Variants in CROCC2 observed in about 807,000 individuals in gnomAD.
CROCC2 encodes the protein ciliary rootlet coiled-coil, rootletin family member 2, also known as ciliary rootlet coiled-coil protein 2.
In CROCC2, 163 loss-of-function variants were observed where a neutral mutation model predicts 177.6. The observed-to-expected ratio is 0.92, with a 90% CI of 0.81 to 1.05. CROCC2 has a LOEUF of 1.05. Ranked by LOEUF, CROCC2 falls within the 50% of genes least tolerant of loss-of-function variation. CROCC2 has a pLI of 0.00. For synonymous variants in CROCC2, 904 were observed against 787.3 expected (o/e 1.15, Z -2.48); for missense variants, 1,929 against 1,797.8 (o/e 1.07, Z -1.32).
Position 240,980,995 on chromosome 2 carries a change from A to T in CROCC2, c.4402-1885A>T, listed in dbSNP as rs372975235. 1.4e-4 allele frequency among the ~76,000 whole-genome samples: 5 copies of T among 36,102 alleles called. No homozygotes were observed. The South Asian group carries it at 4.6e-3, about 33-fold the overall frequency. 23.7% of individuals were successfully genotyped at this position (36,102 alleles called of 152,430 possible). A position where few individuals can be genotyped will look rare whatever the true frequency, so the allele number is the denominator to read the frequency against. The stretch of plus-strand genomic sequence containing the variant: ...TGGGGTAGGAGCCTCAGGATCCCAG[A>T]CTCATCCCTGCTCAGTCTCTGGGGT... On this transcript the variant is annotated intron_variant, in intron 27 of 31. Coordinates refer to ENST00000690015, the MANE Select transcript of CROCC2 (RefSeq NM_001351305.2).
intron 15 of CROCC2, among the ~76,000 whole-genome samples, chr2:240,947,823 G>T (rs888239778): frequency 9.2e-5 from 14 of 152,010 alleles, no homozygotes; most frequent in African/African-American, 3.4e-4. Flanking sequence ...CAAGGTCCCC[G>T]CCAGCCCACA....
intron 15 of CROCC2, 23 bp from the exon 16 acceptor site, chr2:240,948,956 C>T (rs1230280896): frequency 3.9e-6 from 6 of 1,549,670 alleles, no homozygotes; most frequent in Middle Eastern, 1.7e-4. Flanking sequence ...ATGACTTGCC[C>T]ATTGTTTGCT....
rs767704862 is a variant in CROCC2, at chr2:240,973,814, G to T, written c.4401+5552G>T. ...CAGATTTATTTGTGTTAAGAAAATT[G>T]TATTATTTTATAAAATGAGTTGGTG... On this transcript the variant is annotated intron_variant, in intron 27 of 31. Coordinates refer to ENST00000690015, the MANE Select transcript of CROCC2 (RefSeq NM_001351305.2). This position sits in a 1 kb window ranked among gnomAD's most constrained non-coding sequence, Gnocchi z 4.7. Among the ~76,000 whole-genome samples, 2 of 152,160 alleles carry T rather than the reference G, an allele frequency of 1.3e-5. No individual in the cohort carries two copies. Among genetic ancestry groups the T allele is most frequent in the South Asian group, 4.1e-4 (2 of 4,834 alleles).
intron 3 of CROCC2, 117 bp from the exon 4 acceptor site, chr2:240,922,422 G>A: frequency 1.7e-6 from 1 of 575,178 alleles, no homozygotes; most frequent in Non-Finnish European, 3.2e-6. Context: ...CCCCTGCTGT[G>A]GGGCCCCAGG....
intron 28 of CROCC2, among the ~76,000 whole-genome samples, chr2:240,988,286 A>T (rs2059853706): frequency 6.6e-6 from 1 of 152,200 alleles, no homozygotes; most frequent in African/African-American, 2.4e-5. Context: ...TGAGACAGCA[A>T]GTGTACCCAG....
At chr2:240,975,124 G>A (rs572945013) in intron 27 of CROCC2, among the ~76,000 whole-genome samples, 10 of 152,318 alleles carry the variant, frequency 6.6e-5, no homozygotes, top group Middle Eastern at 3.4e-3. Context: ...AAAGTTTACA[G>A]GAAAGAATAG....
intron 25 of CROCC2, 39 bp downstream of exon 25, chr2:240,966,448 C>G (rs2059685642): frequency 2.5e-6 from 1 of 399,564 alleles, no homozygotes; most frequent in African/African-American, 2.1e-5. Flanking sequence ...CGGCGGCACC[C>G]CCCGGGGGTC....
intron 24 of CROCC2, 104 bp from the exon 25 acceptor site, chr2:240,966,121 G>A (rs376803081): frequency 1.2e-5 from 15 of 1,260,846 alleles, no homozygotes; most frequent in Middle Eastern, 2.0e-4. Context: ...ACCTGTGGCC[G>A]TCTCCCCAAC....
chr2:240,964,660 G>C (rs2059666227), intron 22 of CROCC2, 35 bp downstream of exon 22: 3 of 1,538,558 alleles, frequency 1.9e-6, no homozygotes, highest in South Asian at 1.2e-5. Context: ...ATCCAACCAG[G>C]CACCCTCCCG....
intron 5 of CROCC2, among the ~76,000 whole-genome samples, chr2:240,926,564 G>A (rs2059396601): frequency 6.6e-6 from 1 of 152,138 alleles, no homozygotes; most frequent in African/African-American, 2.4e-5. Context: ...GGGCACCACG[G>A]GCAAGGATTT....
chr2:240,971,698 T>A (rs1365028023), intron 27 of CROCC2, among the ~76,000 whole-genome samples: 2 of 152,178 alleles, frequency 1.3e-5, no homozygotes, highest in African/African-American at 4.8e-5. Context: ...CAGAGGTTCC[T>A]TCCACTGTAA....
chr2:240,936,631 A>C (rs1233523082), intron 14 of CROCC2, among the ~76,000 whole-genome samples: 2 of 152,100 alleles, frequency 1.3e-5, no homozygotes, highest in African/African-American at 4.8e-5. Context: ...TGTTTCCAAT[A>C]CTGGTCCTGC....
intron 20 of CROCC2, among the ~76,000 whole-genome samples, chr2:240,962,096 A>T (rs925781008): frequency 5.2e-4 from 78 of 149,194 alleles, no homozygotes; most frequent in African/African-American, 1.5e-3. Context: ...ACACACACAC[A>T]CTCTCACCCT....
rs1204926337 is a variant in CROCC2, at chr2:240,958,709, C to T, written c.2944-592C>T. ...CTGAGGCCCAGGAAGCTGAGACCCC[C>T]TGAGCCCCATCTGCCCTGCTGCCGC... On this transcript the variant is annotated intron_variant, in intron 19 of 31. Transcript: ENST00000690015. The surrounding 1 kb of genome is among the most constrained non-coding windows in gnomAD (Gnocchi z 6.7). The T allele has an allele frequency of 3.8e-6, 2 of 524,188 alleles. No homozygotes were observed. The highest frequency in any genetic ancestry group is 4.9e-6 in the Non-Finnish European group (2 of 408,394). The allele number at this position is 524,188 out of a possible 1,614,324, so 32.5% of individuals were successfully genotyped here.
Position 240,991,084 on chromosome 2 carries a change from T to C in CROCC2, c.4864-112T>C, listed in dbSNP as rs148168686. On this transcript the variant is annotated intron_variant, in intron 30 of 31. Transcript: ENST00000690015. ...ATGCATGCCACCTCTCCTTGGGAGC[T>C]GTGGACCATGGCCTCCAGCCCTTCC... 622 of 690,934 alleles carry C rather than the reference T, an allele frequency of 9.0e-4. 5 individuals are homozygous for C. The African/African-American group carries it at 0.011, about 12-fold the overall frequency. 42.8% of individuals were successfully genotyped at this position (690,934 alleles called of 1,614,324 possible). A position where few individuals can be genotyped will look rare whatever the true frequency, so the allele number is the denominator to read the frequency against.
At chr2:240,937,911 T>C (rs185361004) in intron 14 of CROCC2, among the ~76,000 whole-genome samples, 12 of 152,316 alleles carry the variant, frequency 7.9e-5, no homozygotes, top group Admixed American at 2.0e-4. Flanking sequence ...ACTTCTCCCT[T>C]CACTCCCTCT....
At chr2:240,914,519 CCCCTGCAG>C (rs989798673) in intron 1 of CROCC2, among the ~76,000 whole-genome samples, 4 of 152,364 alleles carry the variant, frequency 2.6e-5, no homozygotes, top group African/African-American at 9.6e-5. Context: ...ACCTGGCAGC[CCCCTGCAG>C]CGCTCCTCGC....
intron 13 of CROCC2, 48 bp downstream of exon 13, chr2:240,935,110 G>A (rs1188173516): frequency 1.7e-5 from 22 of 1,328,246 alleles, no homozygotes; most frequent in South Asian, 8.9e-5. Context: ...CTGTTTCCCA[G>A]GTGGCTGTGG....
At chr2:240,969,064 T>C (rs947886864) in intron 27 of CROCC2, among the ~76,000 whole-genome samples, 1 of 152,186 alleles carries the variant, frequency 6.6e-6, no homozygotes, top group African/African-American at 2.4e-5. Context: ...CCAGGGCAAC[T>C]GCCCCCAGGC....
Sources: allele counts gnomAD v4.1 joint callset (sites outside exome capture counted in the v4.1 genomes callset), GRCh38; gene constraint gnomAD v4.1.1; non-coding constraint Gnocchi (gnomAD v3.1); transcripts MANE v1.5; gene names NCBI Gene and HGNC (gene_info 2026-07-23, HGNC 2026-07-21).